Variants in PLEKHM3 observed in about 807,000 individuals in gnomAD.
PLEKHM3 encodes pleckstrin homology domain containing M3, also known as pleckstrin homology domain-containing family M member 3.
In PLEKHM3, 45 loss-of-function variants were observed where a neutral mutation model predicts 81.8. The ratio of observed to expected loss-of-function variants is 0.55; its 90% confidence interval spans 0.43 to 0.71. PLEKHM3 has a LOEUF of 0.71. PLEKHM3 is among the 30% of genes least tolerant of loss of function. The pLI is 0.00. For missense variants in PLEKHM3, 788 were observed against 924.3 expected (o/e 0.85, Z 1.91); for synonymous variants, 352 against 356.4 (o/e 0.99, Z 0.14).
intron 6 of PLEKHM3, among the ~76,000 whole-genome samples, chr2:207,865,287 C>T (rs995798910): frequency 2.0e-5 from 3 of 152,166 alleles, no homozygotes; most frequent in Non-Finnish European, 4.4e-5. Context: ...AACTGCTATA[C>T]TGAGATATAA....
chr2:207,920,225 C>T (rs536084595), intron 5 of PLEKHM3, among the ~76,000 whole-genome samples: 1 of 152,300 alleles, frequency 6.6e-6, no homozygotes, highest in South Asian at 2.1e-4. Context: ...AAGTCAAGGA[C>T]TAAACCTGAC....
intron 7 of PLEKHM3, among the ~76,000 whole-genome samples, chr2:207,855,239 T>TC (rs1251012731): frequency 6.7e-6 from 1 of 150,296 alleles, no homozygotes; most frequent in Admixed American, 6.6e-5. Flanking sequence ...CAAAAACAAC[T>TC]CCCCCCAGCA....
At chr2:208,003,476 C>T (rs1190618599) in intron 1 of PLEKHM3, among the ~76,000 whole-genome samples, 1 of 152,112 alleles carries the variant, frequency 6.6e-6, no homozygotes, top group Non-Finnish European at 1.5e-5. Flanking sequence ...TTTGCTTAAC[C>T]TATGTAAATT....
intron 4 of PLEKHM3, among the ~76,000 whole-genome samples, chr2:207,943,784 C>T (rs1300373068): frequency 5.7e-5 from 8 of 139,666 alleles, no homozygotes; most frequent in Non-Finnish European, 9.1e-5. Context: ...AGGAGAATGG[C>T]GTGAACCCGG....
intron 2 of PLEKHM3, 27 bp downstream of exon 2, chr2:208,001,001 AAG>A: frequency 6.8e-7 from 1 of 1,462,136 alleles, no homozygotes; most frequent in Non-Finnish European, 9.1e-7. Flanking sequence ...AAAAAAAAAA[AAG>A]GAAATAAATA....
chr2:207,838,807 CA>C (rs921656305), intron 7 of PLEKHM3, among the ~76,000 whole-genome samples: 2 of 152,142 alleles, frequency 1.3e-5, no homozygotes, highest in African/African-American at 4.8e-5. Flanking sequence ...AGGATTTAAA[CA>C]TTTCTACCAT....
intron 7 of PLEKHM3, among the ~76,000 whole-genome samples, chr2:207,859,139 T>TC (rs1231925002): frequency 3.6e-5 from 5 of 138,920 alleles, no homozygotes; most frequent in South Asian, 4.4e-4. Context: ...TCTTTTTCTT[T>TC]TTTTTTTTTT....
intron 5 of PLEKHM3, among the ~76,000 whole-genome samples, chr2:207,925,976 C>G (rs1244631067): frequency 6.6e-6 from 1 of 151,764 alleles, no homozygotes; most frequent in African/African-American, 2.4e-5. Context: ...TCTGAGACAT[C>G]GACAAACTCT....
At chr2:207,981,811 AAAT>A (rs1291092462) in intron 2 of PLEKHM3, among the ~76,000 whole-genome samples, 1 of 152,238 alleles carries the variant, frequency 6.6e-6, no homozygotes, top group Non-Finnish European at 1.5e-5. Context: ...TCAATTTCAT[AAAT>A]AATAAAATCT....
chr2:207,847,207 A>G (rs2092388700), intron 7 of PLEKHM3, among the ~76,000 whole-genome samples: 1 of 152,240 alleles, frequency 6.6e-6, no homozygotes, highest in Admixed American at 6.5e-5. Context: ...ATATTTATCA[A>G]GTGGCTTAAT....
chr2:207,946,305 C>T (rs1317959605), intron 4 of PLEKHM3, 62 bp downstream of exon 4: 2 of 1,531,124 alleles, frequency 1.3e-6, no homozygotes, highest in South Asian at 1.2e-5. Flanking sequence ...CTTTATAATC[C>T]ACCTGAGAAC....
At chr2:207,979,420 G>A (rs967656892) in intron 2 of PLEKHM3, among the ~76,000 whole-genome samples, 7 of 152,004 alleles carry the variant, frequency 4.6e-5, no homozygotes, top group Admixed American at 1.3e-4. Flanking sequence ...TGTAATCCCA[G>A]CTACTTGGGA....
chr2:207,891,392 TAA>T (rs1161341974), intron 6 of PLEKHM3, among the ~76,000 whole-genome samples: 1 of 152,218 alleles, frequency 6.6e-6, no homozygotes, highest in African/African-American at 2.4e-5. Flanking sequence ...GCAGGGAGTT[TAA>T]TTGTCCTCAT....
chr2:207,849,642 C>G (rs1017180672), intron 7 of PLEKHM3, among the ~76,000 whole-genome samples: 10 of 152,188 alleles, frequency 6.6e-5, no homozygotes, highest in African/African-American at 2.4e-4. Context: ...ATGTTGCTGA[C>G]CAGGGCAGGC....
chr2:207,947,574 C>A (rs888270274), intron 3 of PLEKHM3, among the ~76,000 whole-genome samples: 1 of 152,220 alleles, frequency 6.6e-6, no homozygotes, highest in African/African-American at 2.4e-5. Context: ...CATTTCTGGT[C>A]TACAGCTTTC....
intron 3 of PLEKHM3, among the ~76,000 whole-genome samples, chr2:207,971,253 A>G (rs751454493): frequency 1.3e-5 from 2 of 152,258 alleles, no homozygotes; most frequent in African/African-American, 2.4e-5. Flanking sequence ...GCTAGTGCCA[A>G]GAAAACTATG....
intron 6 of PLEKHM3, among the ~76,000 whole-genome samples, chr2:207,885,987 T>G (rs1033546360): frequency 6.6e-6 from 1 of 152,188 alleles, no homozygotes; most frequent in Non-Finnish European, 1.5e-5. Flanking sequence ...AGAGAGTGAC[T>G]GAACAGTGGC....
At chr2:207,924,819 G>A (rs1192640010) in intron 5 of PLEKHM3, among the ~76,000 whole-genome samples, 1 of 152,198 alleles carries the variant, frequency 6.6e-6, no homozygotes, top group African/African-American at 2.4e-5. Flanking sequence ...ATGCAGAAGG[G>A]CAGCCGAGGT....
chr2:207,921,305 C>T (rs1197327560), intron 5 of PLEKHM3, among the ~76,000 whole-genome samples: 2 of 152,124 alleles, frequency 1.3e-5, no homozygotes, highest in African/African-American at 4.8e-5. Context: ...CCTCAGCCTC[C>T]CAAAGTGCTG....
Sources: allele counts gnomAD v4.1 joint callset (sites outside exome capture counted in the v4.1 genomes callset), GRCh38; gene constraint gnomAD v4.1.1; transcripts MANE v1.5; gene names NCBI Gene and HGNC (gene_info 2026-07-23, HGNC 2026-07-21).